The following ZNF596 variants were observed in gnomAD, a reference collection of about 807,000 sequenced individuals.
ZNF596 encodes the protein zinc finger protein 596.
Under a neutral mutation model 48.3 loss-of-function variants are expected in ZNF596, and 45 were observed. That is an observed-to-expected ratio of 0.93 (90% CI 0.73 to 1.19). ZNF596 has a LOEUF of 1.19. ZNF596 is among the 50% of genes most tolerant of loss of function. ZNF596 has a pLI of 0.00. For synonymous variants in ZNF596, 270 were observed against 202.0 expected (o/e 1.34, Z -2.85); for missense variants, 848 against 599.7 (o/e 1.41, Z -4.32).
chr8:242,784 G>A (rs1796907105), intron 2 of ZNF596, 103 bp from the exon 3 acceptor site: 2 of 1,169,896 alleles, frequency 1.7e-6, no homozygotes, highest in Non-Finnish European at 2.2e-6. Context: ...TGAGTTTTCT[G>A]TTCATACCAC....
chr8:244,389 CTCT>C (rs1356196793), intron 4 of ZNF596: 1 of 531,146 alleles, frequency 1.9e-6, no homozygotes, highest in East Asian at 3.3e-5. Context: ...TATAATGGTC[CTCT>C]TCTTTGAAAA....
chr8:245,154 A>C lies in ZNF596; in HGVS notation c.307A>C (p.Arg103=), dbSNP rs1057124472. Reference sequence around the variant, plus strand: ...TCTTTCATTTCATTCCCAAAACCAGAGATCTCATACTCAAGAGGATCCTTT... The same window carrying C: ...TCTTTCATTTCATTCCCAAAACCAGCGATCTCATACTCAAGAGGATCCTTT... The part of the protein sequence containing the change: ...QKGTSTISTM[R]SHTQEDPFLC... The change falls in exon 6 of 6, where the codon AGA becomes CGA. Residue 103 remains arginine (R), a splice_region_variant and synonymous_variant. Coordinates refer to ENST00000398612, the MANE Select transcript of ZNF596 (RefSeq NM_001042416.3). 5.1e-6 allele frequency: 8 copies of C among 1,569,624 alleles called. No individual in the cohort carries two copies. The African/African-American group carries it at 1.1e-4, about 22-fold the overall frequency.
At chr8:234,108 G>A (rs987473689) in intron 1 of ZNF596, among the ~76,000 whole-genome samples, 1 of 152,198 alleles carries the variant, frequency 6.6e-6, no homozygotes, top group Non-Finnish European at 1.5e-5. Flanking sequence ...GGAAGCTTGG[G>A]ATTTGGGTAT....
chr8:246,531 A>G lies in ZNF596; in HGVS notation c.*169A>G, dbSNP rs1797098142. On this transcript the variant is annotated 3_prime_UTR_variant, in exon 6 of 6. Coordinates refer to ENST00000398612, the MANE Select transcript of ZNF596 (RefSeq NM_001042416.3). Reference sequence around the variant, plus strand: ...AGATGTATTTAATGTTTATGGCACAAACTTCAGACTCTAGGCTGACCATAT... The same window carrying G: ...AGATGTATTTAATGTTTATGGCACAGACTTCAGACTCTAGGCTGACCATAT... 2 of 795,346 alleles carry G rather than the reference A, an allele frequency of 2.5e-6. No individual in the cohort carries two copies. Among genetic ancestry groups the G allele is most frequent in the Non-Finnish European group, 3.8e-6 (2 of 527,168 alleles). The allele number at this position is 795,346 out of a possible 1,614,324, so 49.3% of individuals were successfully genotyped here.
chr8:245,534 G>T lies in ZNF596; in HGVS notation c.687G>T (p.Gly229=). 6.2e-7 allele frequency: 1 copy of T among 1,614,078 alleles called. No individual in the cohort carries two copies. The highest frequency in any genetic ancestry group is 8.5e-7 in the Non-Finnish European group (1 of 1,180,002). The change falls in exon 6 of 6, where the codon GGG becomes GGT. Residue 229 remains glycine (G), a synonymous_variant. Coordinates refer to ENST00000398612, the MANE Select transcript of ZNF596 (RefSeq NM_001042416.3). ...GEKPHGCHLC[G]KAFTHCSDLR... ...AACCACACGGATGTCATCTATGTGGGAAAGCCTTTACTCATTGCTCTGATC... is the reference window on the plus strand; with the variant it reads ...AACCACACGGATGTCATCTATGTGGTAAAGCCTTTACTCATTGCTCTGATC...
rs751478981 is a variant in ZNF596, at chr8:246,103, A to G, written c.1256A>G (p.Tyr419Cys). The G allele has an allele frequency of 2.5e-6, 4 of 1,613,550 alleles. No individual in the cohort carries two copies. The highest frequency in any genetic ancestry group is 1.1e-5 in the South Asian group (1 of 91,084). Reference protein sequence around the residue: ...HERTHTGEKPYECHLCGKAFN... With the variant: ...HERTHTGEKPCECHLCGKAFN... ...AGAACTCACACTGGAGAAAAACCAT[A>G]TGAATGCCATCTATGCGGAAAAGCC... The change falls in exon 6 of 6, where the codon TAT (tyrosine) becomes TGT (cysteine). Residue 419 changes from tyrosine to cysteine, a missense_variant. Physicochemically the swap from Tyr to Cys is radical, Grantham distance 194. Coordinates refer to ENST00000398612, the MANE Select transcript of ZNF596 (RefSeq NM_001042416.3).
rs375898343 is a variant in ZNF596, at chr8:239,292, G to A, written c.-72-1532G>A. Among the ~76,000 whole-genome samples the A allele has an allele frequency of 1.8e-3, 274 of 152,250 alleles. 4 individuals are homozygous for A. In the South Asian group the frequency reaches 0.021, roughly 11 times the overall value. ...CAACCTCCACCTCCCAGGTTCAAGC[G>A]ATTCTCATACCTCAGCCTCCCGAAT... On this transcript the variant is annotated intron_variant, in intron 1 of 5. Transcript: ENST00000398612.
At position 245,246 on chromosome 8, in the gene ZNF596, C is replaced by T. The variant is rs1325446256; in HGVS notation, c.399C>T (p.Tyr133=). The change falls in exon 6 of 6, where the codon TAC becomes TAT. Residue 133 remains tyrosine (Y), a synonymous_variant. Transcript: ENST00000398612. The part of the protein sequence containing the change: ...HIALTQNVIT[Y]MRTKHFVSKK... ...CATTGACTCAAAATGTGATTACCTA[C>T]ATGAGAACGAAACACTTTGTAAGCA... The T allele has an allele frequency of 3.7e-6, 6 of 1,613,916 alleles. No individual in the cohort carries two copies. The African/African-American group carries it at 6.7e-5, about 18-fold the overall frequency.
In ZNF596 at chr8:246,088, C is replaced by T. The variant is rs1210564251; in HGVS notation, c.1241C>T (p.Thr414Ile). Residue 414 changes from threonine to isoleucine, a missense_variant, in exon 6 of 6, where the codon ACT (threonine) becomes ATT (isoleucine). Coordinates refer to ENST00000398612, the MANE Select transcript of ZNF596 (RefSeq NM_001042416.3). Reference sequence around the variant, plus strand: ...CTCAGACGACATGAGAGAACTCACACTGGAGAAAAACCATATGAATGCCAT... The same window carrying T: ...CTCAGACGACATGAGAGAACTCACATTGGAGAAAAACCATATGAATGCCAT... The part of the protein sequence containing the change: ...SDLRRHERTH[T>I]GEKPYECHLC... 1.2e-6 allele frequency: 2 copies of T among 1,613,450 alleles called. No individual in the cohort carries two copies. The highest frequency in any genetic ancestry group is 1.7e-6 in the Non-Finnish European group (2 of 1,179,472).
chr8:236,618 T>C (rs1179146988), intron 1 of ZNF596, among the ~76,000 whole-genome samples: 6 of 152,208 alleles, frequency 3.9e-5, no homozygotes, highest in Non-Finnish European at 8.8e-5. Flanking sequence ...TTTTAAAGAT[T>C]TAAATTATAT....
chr8:236,879 T>C (rs990744872), intron 1 of ZNF596, among the ~76,000 whole-genome samples: 2 of 152,232 alleles, frequency 1.3e-5, no homozygotes, highest in Non-Finnish European at 2.9e-5. Context: ...TTTGTAGTTA[T>C]TGTTACATTC....
intron 1 of ZNF596, among the ~76,000 whole-genome samples, chr8:236,671 C>T (rs1164795948): frequency 6.6e-6 from 1 of 151,822 alleles, no homozygotes; most frequent in Non-Finnish European, 1.5e-5. Context: ...TTTTTTTAAT[C>T]TTTAAAATTA....
In ZNF596 at chr8:245,303, A is replaced by T; in HGVS notation, c.456A>T (p.Leu152Phe). The T allele has an allele frequency of 6.2e-7, 1 of 1,614,128 alleles. No individual in the cohort carries two copies. Among genetic ancestry groups the T allele is most frequent in the Non-Finnish European group, 8.5e-7 (1 of 1,180,022 alleles). The change falls in exon 6 of 6, where the codon TTA (leucine) becomes TTT (phenylalanine). Residue 152 changes from leucine (L) to phenylalanine (F), a missense_variant. Transcript: ENST00000398612. ...TTGGGAAAATCTTCAGTGACTGGTTATCCTTTAATCAACACAAGGAAATTC... is the reference window on the plus strand; with the variant it reads ...TTGGGAAAATCTTCAGTGACTGGTTTTCCTTTAATCAACACAAGGAAATTC... ...KKFGKIFSDW[L>F]SFNQHKEIHT...
At position 232,598 on chromosome 8, in the gene ZNF596, G is replaced by C. The variant is rs896533901; in HGVS notation, c.-169G>C. On this transcript the variant is annotated 5_prime_UTR_variant, in exon 1 of 6. Transcript: ENST00000398612. ...AGCCTGTCGCCCAGCTGCCAGATCTGCGTCTGTGTCCGGTTCCGTCACTGA... is the reference window on the plus strand; with the variant it reads ...AGCCTGTCGCCCAGCTGCCAGATCTCCGTCTGTGTCCGGTTCCGTCACTGA... 6.2e-6 allele frequency: 2 copies of C among 322,496 alleles called. No individual in the cohort carries two copies. Among genetic ancestry groups the C allele is most frequent in the African/African-American group, 4.5e-5 (2 of 44,040 alleles). 20.0% of individuals were successfully genotyped at this position (322,496 alleles called of 1,614,324 possible). A position where few individuals can be genotyped will look rare whatever the true frequency, so the allele number is the denominator to read the frequency against.
Position 242,967 on chromosome 8 carries a change from G to C in ZNF596, c.93G>C (p.Leu31=). Residue 31 remains leucine (L), a synonymous_variant, in exon 3 of 6, where the codon CTG becomes CTC. Coordinates refer to ENST00000398612, the MANE Select transcript of ZNF596 (RefSeq NM_001042416.3). ...TGCTGGACACATCCCAGAGAAAGCT[G>C]TTTCAAGATGTGATGTTGGAGAACA... is the stretch of plus-strand genomic sequence containing the variant. ...WALLDTSQRK[L]FQDVMLENIS... 6.2e-7 allele frequency: 1 copy of C among 1,612,224 alleles called. No homozygotes were observed. The highest frequency in any genetic ancestry group is 8.5e-7 in the Non-Finnish European group (1 of 1,178,620).
chr8:245,518 G>A lies in ZNF596; in HGVS notation c.671G>A (p.Gly224Glu). 1 of 1,613,872 alleles carries A rather than the reference G, an allele frequency of 6.2e-7. No homozygotes were observed. The highest frequency in any genetic ancestry group is 8.5e-7 in the Non-Finnish European group (1 of 1,179,910). The change falls in exon 6 of 6, where the codon GGA (glycine) becomes GAA (glutamate). Residue 224 changes from glycine to glutamate, a missense_variant. Coordinates refer to ENST00000398612, the MANE Select transcript of ZNF596 (RefSeq NM_001042416.3). ...ATTCACACTGGAGAGAAACCACACG[G>A]ATGTCATCTATGTGGGAAAGCCTTT... ...EMIHTGEKPH[G>E]CHLCGKAFTH... is the part of the protein sequence containing the mutation.
chr8:244,623 A>G lies in ZNF596; in HGVS notation c.228A>G (p.Arg76=), dbSNP rs148071263. 11 of 1,608,250 alleles carry G rather than the reference A, an allele frequency of 6.8e-6. No individual in the cohort carries two copies. Among genetic ancestry groups the G allele is most frequent in the East Asian group, 6.7e-5 (3 of 44,806 alleles). ...TTTTTTTTTCATTTATTTCAGGTAG[A>G]GAAGTTGGCATTAAACATCAAGAGA... is the stretch of plus-strand genomic sequence containing the variant. ...STQRISLLQG[R]EVGIKHQEIP... Residue 76 remains arginine, a synonymous_variant, in exon 5 of 6, where the codon AGA becomes AGG. Coordinates refer to ENST00000398612, the MANE Select transcript of ZNF596 (RefSeq NM_001042416.3).
Position 246,407 on chromosome 8 carries a change from CAT to C in ZNF596, c.*47_*48del, listed in dbSNP as rs1797093486. 2 of 1,526,380 alleles carry C rather than the reference CAT, an allele frequency of 1.3e-6. No homozygotes were observed. Among genetic ancestry groups the C allele is most frequent in the African/African-American group, 1.4e-5 (1 of 71,822 alleles). The allele number at this position is 1,526,380 out of a possible 1,614,324, so 94.6% of individuals were successfully genotyped here. A position where few individuals can be genotyped will look rare whatever the true frequency, so the allele number is the denominator to read the frequency against. On this transcript the variant is annotated 3_prime_UTR_variant, in exon 6 of 6. Transcript: ENST00000398612. ...TAACACTAAATACACCAAGGACAAA[CAT>C]ACTACAGGAATATTATGTCTGTAAT...
chr8:232,224 A>G (rs1796425090), upstream of ZNF596: 1 of 158,622 alleles, frequency 6.3e-6, no homozygotes, highest in Non-Finnish European at 1.5e-5. Context: ...ACCGGCGGAG[A>G]CACTGGCAGG....
Sources: gnomAD v4.1 joint callset for allele counts (sites outside exome capture counted in the v4.1 genomes callset) on GRCh38, gnomAD v4.1.1 for gene constraint, MANE v1.5 for transcripts, NCBI Gene and HGNC (gene_info 2026-07-23, HGNC 2026-07-21) for gene names.